Variants in AKAP10 observed in about 807,000 individuals in gnomAD.
AKAP10 encodes A-kinase anchor protein 10, mitochondrial.
In AKAP10, 24 loss-of-function variants were observed where a neutral mutation model predicts 80.8. The observed-to-expected ratio is 0.30, with a 90% confidence interval of 0.22 to 0.42. AKAP10 has a LOEUF of 0.42. AKAP10 is among the 10% of genes least tolerant of loss of function. AKAP10 has a pLI of 1.00. For missense variants in AKAP10, 661 were observed against 794.9 expected, an observed-to-expected ratio of 0.83 and a Z score of 2.03; for synonymous variants, 291 against 277.7, an observed-to-expected ratio of 1.05 and a Z score of -0.48.
chr17:19,952,225 A>G (rs2043223528), intron 4 of AKAP10, among the ~76,000 whole-genome samples: 1 of 151,984 alleles, frequency 6.6e-6, no homozygotes, highest in South Asian at 2.1e-4. Context: ...GCACTTTGGG[A>G]GGCCAAAGCA....
rs1346782112 is a variant in AKAP10, at chr17:19,947,470, A to G, written c.913T>C (p.Tyr305His). ...EQDAVNTFTKYISPDAAKPIP... is the reference protein window; with the variant it reads ...EQDAVNTFTKHISPDAAKPIP... ...GGTTTAGCAGCATCTGGAGATATAT[A>G]TTTGGTAAAAGTATTCACTGCATCT... The change falls in exon 5 of 15, where the codon TAT becomes CAT. Residue 305 changes from tyrosine to histidine, a missense_variant. Tyr to His is a moderately conservative substitution (Grantham distance 83, BLOSUM62 2). Transcript: ENST00000225737. 2 of 1,613,120 alleles carry G rather than the reference A, an allele frequency of 1.2e-6. No individual in the cohort carries two copies. Among genetic ancestry groups the G allele is most frequent in the Non-Finnish European group, 1.7e-6 (2 of 1,179,344 alleles).
chr17:19,938,088 T>G (rs1313746121), intron 8 of AKAP10, among the ~76,000 whole-genome samples: 1 of 148,498 alleles, frequency 6.7e-6, no homozygotes, highest in Non-Finnish European at 1.5e-5. Flanking sequence ...AAATGCCCAG[T>G]TAATTTTTTG....
intron 9 of AKAP10, among the ~76,000 whole-genome samples, chr17:19,935,366 G>GT (rs2042981535): frequency 6.6e-6 from 1 of 152,176 alleles, no homozygotes; most frequent in Admixed American, 6.5e-5. Context: ...CGAGTGAGTG[G>GT]TAAGTGAATG....
At chr17:19,908,352 C>T (rs1389514817) in intron 14 of AKAP10, among the ~76,000 whole-genome samples, 1 of 152,190 alleles carries the variant, frequency 6.6e-6, no homozygotes, top group African/African-American at 2.4e-5. Context: ...GGCATAACCT[C>T]TGTGAAGACA....
intron 9 of AKAP10, among the ~76,000 whole-genome samples, chr17:19,933,061 C>T (rs747368668): frequency 6.6e-6 from 1 of 152,064 alleles, no homozygotes; most frequent in Non-Finnish European, 1.5e-5. Flanking sequence ...TTTTGTCCCC[C>T]GGGCTGGAAT....
chr17:19,945,517 G>A (rs528695120), intron 5 of AKAP10, among the ~76,000 whole-genome samples: 1 of 152,266 alleles, frequency 6.6e-6, no homozygotes, highest in South Asian at 2.1e-4. Context: ...GCAAAACTCA[G>A]TGAAACAGTA....
intron 10 of AKAP10, among the ~76,000 whole-genome samples, chr17:19,929,110 CATA>C (rs2042905408): frequency 6.6e-6 from 1 of 152,136 alleles, no homozygotes; most frequent in African/African-American, 2.4e-5. Context: ...CAAAAGACCA[CATA>C]ATATACGGTT....
At position 19,906,254 on chromosome 17, in the gene AKAP10, A is replaced by C. The variant is rs777828938; in HGVS notation, c.1984-22T>G. 1.9e-6 allele frequency: 3 copies of C among 1,601,150 alleles called. No homozygotes were observed. The East Asian group carries it at 6.7e-5, about 36-fold the overall frequency. ...ATAACTGAAAAAAGAAAAGAAAAGA[A>C]AATGGTAAGGTGCATTTCTCTAACA... On this transcript the variant is annotated intron_variant, in intron 14 of 14. Transcript: ENST00000225737.
chr17:19,975,597 T>C (rs144794228), intron 1 of AKAP10, among the ~76,000 whole-genome samples: 223 of 152,280 alleles, frequency 1.5e-3, no homozygotes, highest in African/African-American at 5.1e-3. Flanking sequence ...TTACTCAACT[T>C]GTAAGTATAC....
At chr17:19,974,239 C>G (rs2043536335) in intron 1 of AKAP10, among the ~76,000 whole-genome samples, 1 of 152,150 alleles carries the variant, frequency 6.6e-6, no homozygotes, top group South Asian at 2.1e-4. Flanking sequence ...TTGAGAAAAA[C>G]TGATGAGCAG....
At chr17:19,954,630 G>A (rs1207902053) in intron 4 of AKAP10, among the ~76,000 whole-genome samples, 3 of 149,530 alleles carry the variant, frequency 2.0e-5, no homozygotes, top group Admixed American at 1.3e-4. Flanking sequence ...GACTACAGGT[G>A]CCCGCCACCA....
intron 12 of AKAP10, among the ~76,000 whole-genome samples, chr17:19,918,815 C>CA (rs2042778371): frequency 1.3e-5 from 2 of 152,230 alleles, no homozygotes; most frequent in South Asian, 4.1e-4. Flanking sequence ...ACAAAGAATG[C>CA]ACTTGACAAA....
At chr17:19,950,579 A>C (rs984257651) in intron 4 of AKAP10, among the ~76,000 whole-genome samples, 2 of 152,252 alleles carry the variant, frequency 1.3e-5, no homozygotes, top group Non-Finnish European at 2.9e-5. Context: ...CCGAGGTGCC[A>C]GGATTGCAGA....
intron 12 of AKAP10, among the ~76,000 whole-genome samples, chr17:19,919,806 A>G (rs1178199216): frequency 6.6e-6 from 1 of 152,188 alleles, no homozygotes; most frequent in African/African-American, 2.4e-5. Context: ...TTTCATATTC[A>G]TGTGCCTTCT....
intron 5 of AKAP10, among the ~76,000 whole-genome samples, chr17:19,942,382 C>G (rs1393518847): frequency 6.6e-6 from 1 of 152,096 alleles, no homozygotes; most frequent in African/African-American, 2.4e-5. Flanking sequence ...GGAGGCACTA[C>G]ACCTTTTATC....
At position 19,939,841 on chromosome 17, in the gene AKAP10, T is replaced by C. The variant is rs1443402767; in HGVS notation, c.1194A>G (p.Glu398=). 6.2e-7 allele frequency: 1 copy of C among 1,613,354 alleles called. No homozygotes were observed. The highest frequency in any genetic ancestry group is 2.2e-5 in the East Asian group (1 of 44,844). Residue 398 remains glutamate, a synonymous_variant, in exon 8 of 15, where the codon GAA becomes GAG. Coordinates refer to ENST00000225737, the MANE Select transcript of AKAP10 (RefSeq NM_007202.4). ...SALFYFSEYM[E]KEDAVNILQF... is the part of the protein sequence containing the mutation. ...GTAAGATATTCACTGCATCCTCTTTTTCCATGTACTAGGAAGAAAAAATAC... is the reference window on the plus strand; with the variant it reads ...GTAAGATATTCACTGCATCCTCTTTCTCCATGTACTAGGAAGAAAAAATAC...
intron 10 of AKAP10, among the ~76,000 whole-genome samples, chr17:19,928,036 A>G (rs376271896): frequency 6.6e-6 from 1 of 152,250 alleles, no homozygotes; most frequent in African/African-American, 2.4e-5. Flanking sequence ...CCTGGCTAAC[A>G]TGGTGAAACC....
chr17:19,906,885 T>C (rs2042636630), intron 14 of AKAP10, among the ~76,000 whole-genome samples: 1 of 152,184 alleles, frequency 6.6e-6, no homozygotes, highest in South Asian at 2.1e-4. Context: ...GGGGTTTTTC[T>C]TTTGGGGTTT....
In AKAP10 at chr17:19,976,434, CTG is replaced by C. The variant is rs377463225; in HGVS notation, c.88+1156_88+1157del. Reference sequence around the variant, plus strand: ...AGACAGAGGTTGCAGTGAGCCGAGACTGAGATCGCGCCATTGCACTCGAGCCT... The same window carrying C: ...AGACAGAGGTTGCAGTGAGCCGAGACAGATCGCGCCATTGCACTCGAGCCT... On this transcript the variant is annotated intron_variant, in intron 1 of 14. Transcript: ENST00000225737. Among the ~76,000 whole-genome samples the C allele has an allele frequency of 6.1e-3, 924 of 151,900 alleles. 8 individuals carry two copies. The highest frequency in any genetic ancestry group is 0.021 in the African/African-American group (889 of 41,472).
Sources: gnomAD v4.1 joint callset for allele counts (sites outside exome capture counted in the v4.1 genomes callset) on GRCh38, gnomAD v4.1.1 for gene constraint, MANE v1.5 for transcripts, NCBI Gene and HGNC (gene_info 2026-07-23, HGNC 2026-07-21) for gene names.